TAF3: variants seen among roughly 807,000 people sequenced by gnomAD.
TAF3 encodes the protein transcription initiation factor TFIID subunit 3.
Under a neutral mutation model 80.6 loss-of-function variants are expected in TAF3, and 7 were observed. The observed-to-expected ratio is 0.09, with a 90% CI of 0.05 to 0.16. TAF3 has a LOEUF of 0.16. TAF3 is among the 10% of genes least tolerant of loss of function. TAF3 has a pLI of 1.00. For missense variants in TAF3, 921 were observed against 1,140.2 expected (o/e 0.81, Z 2.77); for synonymous variants, 444 against 446.1 (o/e 1.00, Z 0.06).
chr10:7,835,948 T>C (rs1192007131), intron 2 of TAF3, among the ~76,000 whole-genome samples: 2 of 152,176 alleles, frequency 1.3e-5, no homozygotes, highest in African/African-American at 4.8e-5. Flanking sequence ...ATTCCCCTTA[T>C]TGAAGCTTTT....
At chr10:7,851,467 C>T (rs1837025822) in intron 2 of TAF3, among the ~76,000 whole-genome samples, 1 of 152,184 alleles carries the variant, frequency 6.6e-6, no homozygotes, top group Admixed American at 6.5e-5. Context: ...TTGACTTTTA[C>T]TCTCAGTGAG....
At chr10:7,819,189 C>T (rs888723100) in intron 1 of TAF3, among the ~76,000 whole-genome samples, 1 of 152,018 alleles carries the variant, frequency 6.6e-6, no homozygotes, top group African/African-American at 2.4e-5. Flanking sequence ...CTGTTTGCTG[C>T]GGGTAGATCC....
chr10:7,977,269 C>T lies in TAF3; in HGVS notation c.2261C>T (p.Pro754Leu), dbSNP rs747208321. The change falls in exon 4 of 7, where the codon CCG becomes CTG. Residue 754 changes from proline (P) to leucine (L), a missense_variant. Physicochemically the swap from Pro to Leu is moderately conservative, Grantham distance 98 (BLOSUM62 -3). Transcript: ENST00000344293. Reference protein sequence around the residue: ...KIKVEPVALAPSPVIPRLTLR... With the variant: ...KIKVEPVALALSPVIPRLTLR... ...AAAGTGGAACCAGTCGCTCTGGCCC[C>T]GAGTCCAGTTATCCCCAGATTAACT... The T allele has an allele frequency of 8.5e-5, 137 of 1,614,038 alleles. 1 individual carries two copies. Among genetic ancestry groups the T allele is most frequent in the Middle Eastern group, 3.3e-4 (2 of 6,084 alleles).
At position 7,964,427 on chromosome 10, in the gene TAF3, C is replaced by G; in HGVS notation, c.917C>G (p.Ser306Cys). ...CCTATTCGATCACCAAAAACTGTAT[C>G]CAAAGAAAAGAAATCACCTGGACGT... is the stretch of plus-strand genomic sequence containing the variant. ...GSPIRSPKTV[S>C]KEKKSPGRSK... Residue 306 changes from serine (S) to cysteine (C), a missense_variant, in exon 3 of 7, where the codon TCC becomes TGC. Coordinates refer to ENST00000344293, the MANE Select transcript of TAF3 (RefSeq NM_031923.4). This position sits in a 1 kb window ranked among gnomAD's most constrained non-coding sequence, Gnocchi z 4.1. 1 of 1,613,964 alleles carries G rather than the reference C, an allele frequency of 6.2e-7. No individual in the cohort carries two copies. Among genetic ancestry groups the G allele is most frequent in the Non-Finnish European group, 8.5e-7 (1 of 1,180,042 alleles).
intron 2 of TAF3, among the ~76,000 whole-genome samples, chr10:7,957,802 T>A (rs12217782): frequency 9.9e-6 from 1 of 101,072 alleles, no homozygotes. Flanking sequence ...GCGCTCTCTC[T>A]CTCTCTCTCT....
At chr10:8,012,880 A>G (rs929456650) in intron 5 of TAF3, among the ~76,000 whole-genome samples, 8 of 152,220 alleles carry the variant, frequency 5.3e-5, no homozygotes, top group African/African-American at 9.6e-5. Context: ...AACCGGATGC[A>G]ATAATGTGCT....
chr10:7,980,114 G>A (rs1163634904), intron 4 of TAF3, among the ~76,000 whole-genome samples: 1 of 152,130 alleles, frequency 6.6e-6, no homozygotes, highest in African/African-American at 2.4e-5. Context: ...ACACCTTGGG[G>A]GGGAATAATA....
At chr10:7,867,080 G>A (rs1032731182) in intron 2 of TAF3, among the ~76,000 whole-genome samples, 6 of 152,048 alleles carry the variant, frequency 3.9e-5, no homozygotes, top group East Asian at 1.9e-4. Flanking sequence ...TGAACATGGC[G>A]AAACCCCATC....
intron 2 of TAF3, chr10:7,834,051 T>TG (rs1453768214): frequency 1.1e-5 from 2 of 176,234 alleles, no homozygotes; most frequent in African/African-American, 4.8e-5. Flanking sequence ...TTTTTTTTGG[T>TG]GGTGGTTGTG....
chr10:7,898,957 A>G (rs1837532761), intron 2 of TAF3, among the ~76,000 whole-genome samples: 1 of 152,138 alleles, frequency 6.6e-6, no homozygotes, highest in South Asian at 2.1e-4. Context: ...GTTGAACTTC[A>G]GGGTGACTGG....
intron 2 of TAF3, among the ~76,000 whole-genome samples, chr10:7,842,151 G>GTTTTTTTTTTTTT (rs71505465): frequency 5.1e-5 from 5 of 98,748 alleles, no homozygotes; most frequent in Non-Finnish European, 6.4e-5. Context: ...AATTAATATT[G>GTTTTTTTTTTTTT]TTTTTTTTTT....
intron 2 of TAF3, among the ~76,000 whole-genome samples, chr10:7,847,695 T>G (rs1298403704): frequency 6.6e-6 from 1 of 152,246 alleles, no homozygotes; most frequent in African/African-American, 2.4e-5. Flanking sequence ...TCCTCCCACC[T>G]TGGCTTCCCA....
rs912825919 is a variant in TAF3 at position 8,015,559 on chromosome 10, T to G, written c.*808T>G. ...TTATGAAGTAGTTATTTTTTAAATTTTTATCGTGTTTAATTCTGGCTTTCT... is the reference window on the plus strand; with the variant it reads ...TTATGAAGTAGTTATTTTTTAAATTGTTATCGTGTTTAATTCTGGCTTTCT... On this transcript the variant is annotated 3_prime_UTR_variant, in exon 7 of 7. Transcript: ENST00000344293. The G allele has an allele frequency of 6.6e-6, 1 of 152,124 alleles. No homozygotes were observed. The highest frequency in any genetic ancestry group is 1.9e-4 in the East Asian group (1 of 5,194). The allele number at this position is 152,124 out of a possible 1,614,324, so 9.4% of individuals were successfully genotyped here.
intron 3 of TAF3, among the ~76,000 whole-genome samples, chr10:7,968,293 C>T (rs975427965): frequency 1.3e-5 from 2 of 152,204 alleles, no homozygotes; most frequent in African/African-American, 4.8e-5. Context: ...CCAAGAGCAA[C>T]TCTCCCAGAC....
Position 8,014,646 on chromosome 10 carries a change from T to C in TAF3, c.2685T>C (p.Val895=), listed in dbSNP as rs368059857. 4 of 1,612,688 alleles carry C rather than the reference T, an allele frequency of 2.5e-6. No individual in the cohort carries two copies. The highest frequency in any genetic ancestry group is 2.7e-5 in the African/African-American group (2 of 74,886). ...DCDDWYHWPC[V]GIMTAPPEEM... is the part of the protein sequence containing the mutation. ...TTGTTTTCACGTGCAGGCCCTGTGT[T>C]GGAATCATGACTGCACCCCCAGAAG... Residue 895 remains valine (V), a synonymous_variant, in exon 7 of 7, where the codon GTT becomes GTC. Coordinates refer to ENST00000344293, the MANE Select transcript of TAF3 (RefSeq NM_031923.4).
At chr10:7,988,058 A>G (rs1361888148) in intron 4 of TAF3, among the ~76,000 whole-genome samples, 1 of 152,220 alleles carries the variant, frequency 6.6e-6, no homozygotes, top group East Asian at 1.9e-4. Context: ...TTATGAATTT[A>G]GTCATAATAT....
chr10:7,845,514 A>G (rs1836961308), intron 2 of TAF3, among the ~76,000 whole-genome samples: 1 of 152,262 alleles, frequency 6.6e-6, no homozygotes, highest in African/African-American at 2.4e-5. Flanking sequence ...TGGTTCTGTT[A>G]GTCACGAAAG....
At chr10:7,937,468 A>G (rs992626606) in intron 2 of TAF3, among the ~76,000 whole-genome samples, 1 of 152,008 alleles carries the variant, frequency 6.6e-6, no homozygotes, top group African/African-American at 2.4e-5. Context: ...TCCTGTGCCT[A>G]TTTGCCATCT....
intron 2 of TAF3, among the ~76,000 whole-genome samples, chr10:7,961,114 C>T (rs899869213): frequency 6.6e-6 from 1 of 152,092 alleles, no homozygotes; most frequent in Non-Finnish European, 1.5e-5. Context: ...GTCCTTGCAG[C>T]CATACAGAGA....
Sources: gnomAD v4.1 joint callset for allele counts (sites outside exome capture counted in the v4.1 genomes callset) on GRCh38, gnomAD v4.1.1 for gene constraint, Gnocchi (gnomAD v3.1) non-coding constraint, MANE v1.5 for transcripts, NCBI Gene and HGNC (gene_info 2026-07-23, HGNC 2026-07-21) for gene names.